The following NECAB1 variants were observed in gnomAD, a reference collection of about 807,000 sequenced individuals.
NECAB1 encodes N-terminal EF-hand calcium binding protein 1.
NECAB1 carries 29 observed loss-of-function variants against 57.5 expected under a neutral mutation model. The ratio of observed to expected loss-of-function variants is 0.50; its 90% CI spans 0.38 to 0.69. The LOEUF (loss-of-function observed/expected upper bound fraction) is 0.69, where lower values mean the gene tolerates loss of function less well. Ranked by LOEUF, NECAB1 falls within the 30% of genes least tolerant of loss-of-function variation. The pLI, the probability that NECAB1 is intolerant of heterozygous loss-of-function variation, is 0.00. For missense variants in NECAB1, 372 were observed against 413.8 expected (o/e 0.90, Z 0.88); for synonymous variants, 142 against 147.7 (o/e 0.96, Z 0.28).
At chr8:90,913,484 G>A (rs1202192183) in intron 5 of NECAB1, among the ~76,000 whole-genome samples, 1 of 151,838 alleles carries the variant, frequency 6.6e-6, no homozygotes, top group East Asian at 1.9e-4. Flanking sequence ...AAAAAAAGAA[G>A]CAAAATCTGA....
At chr8:90,940,658 C>A in intron 9 of NECAB1, 128 bp from the exon 10 acceptor site, 1 of 681,210 alleles carries the variant, frequency 1.5e-6, no homozygotes, top group Admixed American at 2.4e-5. Flanking sequence ...TAGTCATGGC[C>A]TTCCTTGGTC....
At chr8:90,907,147 TGTGTGA>T (rs1320617424) in intron 5 of NECAB1, among the ~76,000 whole-genome samples, 35 of 106,604 alleles carry the variant, frequency 3.3e-4, no homozygotes, top group African/African-American at 1.2e-3. Flanking sequence ...TGTGTGTGTG[TGTGTGA>T]GAGAGAGAGA....
intron 9 of NECAB1, 109 bp downstream of exon 9, chr8:90,934,466 G>A (rs553734609): frequency 8.3e-5 from 59 of 712,596 alleles, no homozygotes; most frequent in Middle Eastern, 4.2e-4. Context: ...CCAAGTAGTC[G>A]TATTTCATTT....
At chr8:90,856,753 A>G (rs1586062366) in intron 3 of NECAB1, among the ~76,000 whole-genome samples, 1 of 152,174 alleles carries the variant, frequency 6.6e-6, no homozygotes, top group Non-Finnish European at 1.5e-5. Flanking sequence ...CCTTACCTCT[A>G]GCCTATACTT....
At chr8:90,800,350 G>A (rs763127754) in intron 1 of NECAB1, among the ~76,000 whole-genome samples, 11 of 152,134 alleles carry the variant, frequency 7.2e-5, no homozygotes, top group Non-Finnish European at 1.5e-4. Context: ...TGTTGAATAG[G>A]AGTGGTGAGA....
At chr8:90,828,116 G>A (rs1812251406) in intron 3 of NECAB1, among the ~76,000 whole-genome samples, 1 of 145,592 alleles carries the variant, frequency 6.9e-6, no homozygotes, top group African/African-American at 2.6e-5. Flanking sequence ...ATTTCCTTAA[G>A]AGTAGTTCAC....
intron 2 of NECAB1, among the ~76,000 whole-genome samples, chr8:90,820,883 C>A (rs1042476282): frequency 1.3e-5 from 2 of 151,754 alleles, no homozygotes; most frequent in Non-Finnish European, 2.9e-5. Flanking sequence ...CCATATCTAC[C>A]ATTGTTGAAC....
At chr8:90,929,114 T>G (rs1392119037) in intron 8 of NECAB1, among the ~76,000 whole-genome samples, 1 of 152,140 alleles carries the variant, frequency 6.6e-6, no homozygotes, top group Non-Finnish European at 1.5e-5. Context: ...ATAACAGACT[T>G]TTTAAAAATT....
intron 3 of NECAB1, among the ~76,000 whole-genome samples, chr8:90,850,076 G>C (rs894914431): frequency 6.6e-6 from 1 of 152,132 alleles, no homozygotes; most frequent in Non-Finnish European, 1.5e-5. Context: ...ACTTCTAGCT[G>C]TCAGCAAGGA....
chr8:90,915,894 A>G (rs1809940497), intron 5 of NECAB1, among the ~76,000 whole-genome samples: 1 of 152,212 alleles, frequency 6.6e-6, no homozygotes, highest in African/African-American at 2.4e-5. Context: ...CAGAAGAAAG[A>G]TGAAGGCCAG....
intron 5 of NECAB1, among the ~76,000 whole-genome samples, chr8:90,894,043 T>C (rs939911427): frequency 1.3e-5 from 2 of 152,128 alleles, no homozygotes; most frequent in African/African-American, 4.8e-5. Context: ...TGAGTAATAT[T>C]TTTAGAATTT....
At chr8:90,848,112 CT>C (rs1404823500) in intron 3 of NECAB1, among the ~76,000 whole-genome samples, 1 of 152,158 alleles carries the variant, frequency 6.6e-6, no homozygotes, top group East Asian at 1.9e-4. Flanking sequence ...TGCTTTGCTC[CT>C]TAGAAATTTC....
chr8:90,885,951 A>G (rs1415668810), intron 5 of NECAB1, among the ~76,000 whole-genome samples: 3 of 152,232 alleles, frequency 2.0e-5, no homozygotes, highest in Non-Finnish European at 4.4e-5. Context: ...TGAAGAAAAT[A>G]TGAAAGAAAT....
At chr8:90,839,349 T>C (rs1002864109) in intron 3 of NECAB1, among the ~76,000 whole-genome samples, 9 of 152,176 alleles carry the variant, frequency 5.9e-5, no homozygotes, top group African/African-American at 2.2e-4. Context: ...GTATTGCCTA[T>C]ACAAACTGAG....
intron 4 of NECAB1, among the ~76,000 whole-genome samples, chr8:90,879,745 A>T (rs1289169510): frequency 6.6e-6 from 1 of 152,214 alleles, no homozygotes; most frequent in African/African-American, 2.4e-5. Context: ...CTTATCAAAA[A>T]GTCAACATTA....
chr8:90,909,708 C>T (rs1809781276), intron 5 of NECAB1, among the ~76,000 whole-genome samples: 1 of 151,934 alleles, frequency 6.6e-6, no homozygotes, highest in Non-Finnish European at 1.5e-5. Context: ...AAGTCATTTG[C>T]TCTATATGTC....
intron 5 of NECAB1, among the ~76,000 whole-genome samples, chr8:90,895,310 T>C (rs1389475527): frequency 6.6e-6 from 1 of 152,062 alleles, no homozygotes; most frequent in Admixed American, 6.5e-5. Context: ...ACCAAAACTA[T>C]AAATAACTCC....
Position 90,940,845 on chromosome 8 carries a change from G to C in NECAB1, c.807G>C (p.Gln269His), listed in dbSNP as rs758347333. The C allele has an allele frequency of 6.4e-7, 1 of 1,564,362 alleles. No homozygotes were observed. Among genetic ancestry groups the C allele is most frequent in the East Asian group, 2.4e-5 (1 of 41,914 alleles). The change falls in exon 10 of 13, where the codon CAG becomes CAC. Residue 269 changes from glutamine (Q) to histidine (H), a missense_variant. Physicochemically the swap from Gln to His is conservative, Grantham distance 24. Coordinates refer to ENST00000417640, the MANE Select transcript of NECAB1 (RefSeq NM_022351.5). ...TAGAAGAGGACCTGGAAGAATTCCA[G>C]CTCGCTCTGAAACACTACGTGGAGA... ...SVIEEDLEEF[Q>H]LALKHYVESA...
chr8:90,874,152 C>A (rs1034868543), intron 4 of NECAB1, among the ~76,000 whole-genome samples: 1 of 152,112 alleles, frequency 6.6e-6, no homozygotes, highest in African/African-American at 2.4e-5. Flanking sequence ...CTAATCAAAG[C>A]CAAATGCTTC....
Sources: gnomAD v4.1 joint callset for allele counts (sites outside exome capture counted in the v4.1 genomes callset) on GRCh38, gnomAD v4.1.1 for gene constraint, MANE v1.5 for transcripts, NCBI Gene and HGNC (gene_info 2026-07-23, HGNC 2026-07-21) for gene names.